The following DCAF6 variants were observed in gnomAD, a reference collection of about 807,000 sequenced individuals.
DCAF6 encodes the protein DDB1 and CUL4 associated factor 6.
DCAF6 carries 54 observed loss-of-function variants against 125.1 expected under a neutral mutation model. That is an observed-to-expected ratio of 0.43 (90% CI 0.35 to 0.54). The LOEUF (loss-of-function observed/expected upper bound fraction) is 0.54, where lower values mean the gene tolerates loss of function less well. Ranked by LOEUF, DCAF6 falls within the 20% of genes least tolerant of loss-of-function variation. The pLI is 0.01. For missense variants in DCAF6, 934 were observed against 1,161.7 expected (o/e 0.80, Z 2.85); for synonymous variants, 371 against 390.4 (o/e 0.95, Z 0.58).
Position 168,017,327 on chromosome 1 carries a change from C to A in DCAF6, c.1549+1376C>A, listed in dbSNP as rs146206970. On this transcript the variant is annotated intron_variant, in intron 11 of 21. Transcript: ENST00000367840. ...TAGAAAGAAAAATAAAATGTCCCTA[C>A]GTATATAATTATTTTTAAAATACTA... 2.1e-3 allele frequency among the ~76,000 whole-genome samples: 318 copies of A among 151,458 alleles called. 2 individuals are homozygous for A. The highest frequency in any genetic ancestry group is 7.2e-3 in the African/African-American group (297 of 41,408).
the DCAF6 span, among the ~76,000 whole-genome samples, chr1:167,911,991 A>G: frequency 6.6e-6 from 1 of 152,242 alleles, no homozygotes; most frequent in South Asian, 2.1e-4. Context: ...TCTAAAATAA[A>G]TATCTGGGAG....
At chr1:167,951,041 A>C (rs887168679) in intron 1 of DCAF6, among the ~76,000 whole-genome samples, 15 of 152,202 alleles carry the variant, frequency 9.9e-5, no homozygotes, top group Non-Finnish European at 2.2e-4. Context: ...GTCATCTTTT[A>C]TCTCTTTTTC....
the DCAF6 span, among the ~76,000 whole-genome samples, chr1:167,905,548 A>G: frequency 6.6e-6 from 1 of 151,198 alleles, no homozygotes; most frequent in African/African-American, 2.4e-5. Flanking sequence ...TTCTGTCCTC[A>G]TGTTTCCTTT....
At chr1:167,870,549 T>C in the DCAF6 span, 13 of 740,800 alleles carry the variant, frequency 1.8e-5, 1 homozygote, top group South Asian at 2.2e-4. Flanking sequence ...TCCCAGCACT[T>C]TGGGAGGCCG....
the DCAF6 span, among the ~76,000 whole-genome samples, chr1:167,881,854 A>G: frequency 2.6e-5 from 4 of 152,196 alleles, no homozygotes; most frequent in Admixed American, 1.3e-4. Context: ...TATGATACCC[A>G]TGGGTCAGTA....
the DCAF6 span, among the ~76,000 whole-genome samples, chr1:167,892,081 T>C: frequency 6.6e-6 from 1 of 151,788 alleles, no homozygotes; most frequent in South Asian, 2.1e-4. Flanking sequence ...CAAGTGATCC[T>C]CTCACCTCAG....
At chr1:168,048,440 A>G (rs1689408296) in intron 16 of DCAF6, among the ~76,000 whole-genome samples, 1 of 152,254 alleles carries the variant, frequency 6.6e-6, no homozygotes, top group African/African-American at 2.4e-5. Flanking sequence ...CTTTATAGCT[A>G]AGTCATTTCT....
chr1:167,899,875 T>G, the DCAF6 span, among the ~76,000 whole-genome samples: 1 of 152,240 alleles, frequency 6.6e-6, no homozygotes, highest in African/African-American at 2.4e-5. Context: ...TCTCACTACA[T>G]GGTCCTACCA....
At chr1:168,005,899 A>G (rs979308706) in intron 10 of DCAF6, among the ~76,000 whole-genome samples, 12 of 152,160 alleles carry the variant, frequency 7.9e-5, no homozygotes, top group African/African-American at 2.9e-4. Flanking sequence ...AGGTTTTCAC[A>G]CTCAGTTGAC....
chr1:168,040,519 T>C (rs1316675088), intron 13 of DCAF6, among the ~76,000 whole-genome samples: 1 of 151,806 alleles, frequency 6.6e-6, no homozygotes, highest in Non-Finnish European at 1.5e-5. Context: ...ATTCTAGATA[T>C]ATATTTGAAG....
intron 16 of DCAF6, among the ~76,000 whole-genome samples, chr1:168,049,051 C>G (rs1689491966): frequency 6.6e-6 from 1 of 151,816 alleles, no homozygotes; most frequent in Non-Finnish European, 1.5e-5. Context: ...TTGCGTAAGG[C>G]AAGAACATGG....
chr1:167,879,990 A>C, the DCAF6 span: 1 of 807,720 alleles, frequency 1.2e-6, no homozygotes, highest in Middle Eastern at 3.4e-4. Flanking sequence ...CTCCATCTGG[A>C]AGACTCTAAA....
At chr1:167,888,800 C>T in the DCAF6 span, among the ~76,000 whole-genome samples, 2 of 93,780 alleles carry the variant, frequency 2.1e-5, no homozygotes, top group South Asian at 3.5e-4. Flanking sequence ...AGAGTGAACC[C>T]GGGAGGCGGA....
the DCAF6 span, among the ~76,000 whole-genome samples, chr1:167,895,143 G>A: frequency 9.4e-5 from 14 of 149,656 alleles, no homozygotes; most frequent in Admixed American, 2.7e-4. Context: ...TATCGCGCCA[G>A]TGCACTCCAA....
chr1:167,959,606 G>T (rs1675277174), intron 2 of DCAF6, among the ~76,000 whole-genome samples: 1 of 152,160 alleles, frequency 6.6e-6, no homozygotes, highest in Non-Finnish European at 1.5e-5. Context: ...TAATAGATAT[G>T]TAGTACATTT....
chr1:168,037,144 C>G (rs1028577286), intron 12 of DCAF6, among the ~76,000 whole-genome samples: 1 of 144,432 alleles, frequency 6.9e-6, no homozygotes, highest in African/African-American at 2.6e-5. Context: ...CACCCAGACT[C>G]GACTCGAACT....
Position 168,045,143 on chromosome 1 carries a change from A to G in DCAF6, c.2174A>G (p.Asp725Gly), listed in dbSNP as rs761830393. The change falls in exon 16 of 22, where the codon GAC becomes GGC. Residue 725 changes from aspartate (D) to glycine (G), a missense_variant. Transcript: ENST00000367840. ...GCTCATGAAGAAACATCCACCAGGG[A>G]CTCTGCTCTTCAGGACACAGATGAC... ...PSAHEETSTR[D>G]SALQDTDDSD... 2 of 1,613,782 alleles carry G rather than the reference A, an allele frequency of 1.2e-6. No individual in the cohort carries two copies. Among genetic ancestry groups the G allele is most frequent in the African/African-American group, 2.7e-5 (2 of 74,880 alleles).
At chr1:168,019,235 A>G (rs373426381) in intron 11 of DCAF6, among the ~76,000 whole-genome samples, 1 of 152,030 alleles carries the variant, frequency 6.6e-6, no homozygotes, top group African/African-American at 2.4e-5. Context: ...TTTTTGGTAG[A>G]GATGGGATTT....
intron 1 of DCAF6, among the ~76,000 whole-genome samples, chr1:167,943,061 C>G (rs1165608698): frequency 6.6e-6 from 1 of 152,136 alleles, no homozygotes; most frequent in Non-Finnish European, 1.5e-5. Context: ...CACCCGCCAC[C>G]ACGCCCGGCT....
Sources: allele counts gnomAD v4.1 joint callset (sites outside exome capture counted in the v4.1 genomes callset), GRCh38; gene constraint gnomAD v4.1.1; transcripts MANE v1.5; gene names NCBI Gene and HGNC (gene_info 2026-07-23, HGNC 2026-07-21).